The following SMYD4 variants were observed in gnomAD, a reference collection of about 807,000 sequenced individuals.
SMYD4 encodes protein-lysine N-methyltransferase SMYD4.
SMYD4 carries 68 observed loss-of-function variants against 72.8 expected under a neutral mutation model. The observed-to-expected ratio is 0.93, with a 90% CI of 0.77 to 1.14. The LOEUF (loss-of-function observed/expected upper bound fraction) is 1.14, where lower values mean the gene tolerates loss of function less well. Among genes scored for constraint, SMYD4 ranks in the 50% most tolerant of loss-of-function variants. SMYD4 has a pLI of 0.00. For missense variants in SMYD4, 984 were observed against 1,003.7 expected (o/e 0.98, Z 0.27); for synonymous variants, 407 against 388.6 (o/e 1.05, Z -0.56).
chr17:1,827,810 A>C (rs777437649), intron 2 of SMYD4, 51 bp downstream of exon 2: 1 of 1,573,010 alleles, frequency 6.4e-7, no homozygotes, highest in Admixed American at 1.7e-5. Context: ...AAATGACAAA[A>C]TAGAACATTT....
intron 2 of SMYD4, among the ~76,000 whole-genome samples, chr17:1,817,595 A>G (rs1910679117): frequency 6.6e-6 from 1 of 152,070 alleles, no homozygotes; most frequent in African/African-American, 2.4e-5. Flanking sequence ...TGGCCTCTCA[A>G]AAGAGTGGTG....
rs865868615 is a variant in SMYD4, at chr17:1,803,310, A to C, written c.369+1316T>G. Among the ~76,000 whole-genome samples, 76 of 152,346 alleles carry C rather than the reference A, an allele frequency of 5.0e-4. 1 individual carries two copies. Among genetic ancestry groups the C allele is most frequent in the African/African-American group, 1.7e-3 (72 of 41,596 alleles). ...CCTTTTGCACTCACGACACTTAAGA[A>C]GGCTGAGCTATTACTACAGGGATAA... is the stretch of plus-strand genomic sequence containing the variant. On this transcript the variant is annotated intron_variant, in intron 4 of 10. Transcript: ENST00000305513.
chr17:1,799,120 G>A (rs918934832), intron 5 of SMYD4, among the ~76,000 whole-genome samples: 7 of 150,994 alleles, frequency 4.6e-5, no homozygotes, highest in Non-Finnish European at 8.9e-5. Context: ...TTAGCCGGGC[G>A]TGGTGGCGGG....
chr17:1,781,433 T>C lies in SMYD4; in HGVS notation c.2268A>G (p.Ala756=). 4.3e-6 allele frequency: 7 copies of C among 1,613,384 alleles called. No individual in the cohort carries two copies. The highest frequency in any genetic ancestry group is 5.9e-6 in the Non-Finnish European group (7 of 1,179,816). Residue 756 remains alanine (A), a synonymous_variant, in exon 11 of 11, where the codon GCA becomes GCG. Coordinates refer to ENST00000305513, the MANE Select transcript of SMYD4 (RefSeq NM_052928.3). ...GTATTGTGCTCAGGGCTTCGGGTAC[T>C]GCAAACCTGAGCCAAGGGAGGTAAG... is the stretch of plus-strand genomic sequence containing the variant. The part of the protein sequence containing the change: ...KLAQIFFNGF[A]VPEALSTIQK...
At position 1,779,941 on chromosome 17, in the gene SMYD4, G is replaced by A. The variant is rs542225498; in HGVS notation, c.*1345C>T. On this transcript the variant is annotated 3_prime_UTR_variant, in exon 11 of 11. Transcript: ENST00000305513. The stretch of plus-strand genomic sequence containing the variant: ...CAGGGAAACAGACTATCATCACTGA[G>A]CGAGGTGGAATCCAGCCAAAACCCC... 1 of 152,734 alleles carries A rather than the reference G, an allele frequency of 6.5e-6. No homozygotes were observed. Among genetic ancestry groups the A allele is most frequent in the Admixed American group, 6.5e-5 (1 of 15,296 alleles). The allele number at this position is 152,734 out of a possible 1,614,324, so 9.5% of individuals were successfully genotyped here.
intron 4 of SMYD4, among the ~76,000 whole-genome samples, chr17:1,802,653 T>C (rs1909828950): frequency 6.6e-6 from 1 of 152,248 alleles, no homozygotes; most frequent in Admixed American, 6.5e-5. Flanking sequence ...TCTCTTTTAG[T>C]CTGAAGGGCA....
rs761662238 is a variant in SMYD4 at position 1,783,334 on chromosome 17, G to A, written c.2137+26C>T. 7.4e-6 allele frequency: 12 copies of A among 1,611,408 alleles called. No homozygotes were observed. In the South Asian group the frequency reaches 9.9e-5, roughly 13 times the overall value. On this transcript the variant is annotated intron_variant, in intron 9 of 10. Transcript: ENST00000305513. ...GTGCCCACAGCAGACTGTTCCCGACGCAGAACGTGAAGGCTCATGCTGTAC... is the reference window on the plus strand; with the variant it reads ...GTGCCCACAGCAGACTGTTCCCGACACAGAACGTGAAGGCTCATGCTGTAC...
Position 1,800,225 on chromosome 17 carries a change from G to C in SMYD4, c.1169C>G (p.Thr390Arg). 1 of 1,614,132 alleles carries C rather than the reference G, an allele frequency of 6.2e-7. No individual in the cohort carries two copies. ...CLPESNNQVK[T>R]LNYGLGESEK... ...ACTCTCCCCTAGGCCATAATTAAGT[G>C]TCTTGACCTGATTGTTGCTTTCAGG... Residue 390 changes from threonine (T) to arginine (R), a missense_variant, in exon 5 of 11, where the codon ACA (threonine) becomes AGA (arginine). Transcript: ENST00000305513.
At chr17:1,819,774 A>T (rs1910799998) in intron 2 of SMYD4, among the ~76,000 whole-genome samples, 1 of 152,066 alleles carries the variant, frequency 6.6e-6, no homozygotes, top group Non-Finnish European at 1.5e-5. Context: ...TTACACAGAC[A>T]TAATATGTAT....
intron 7 of SMYD4, among the ~76,000 whole-genome samples, 168 bp downstream of exon 7, chr17:1,786,642 G>A (rs1466526272): frequency 6.6e-6 from 1 of 152,174 alleles, no homozygotes; most frequent in Admixed American, 6.5e-5. Context: ...CTTTCCCTGT[G>A]GTTTCTCTGG....
chr17:1,820,765 T>G (rs1910844460), intron 2 of SMYD4, among the ~76,000 whole-genome samples: 1 of 152,152 alleles, frequency 6.6e-6, no homozygotes, highest in South Asian at 2.1e-4. Context: ...CAAAAGGTTT[T>G]CAATAGATGA....
At chr17:1,794,105 A>ATATATAT (rs1291818005) in intron 5 of SMYD4, among the ~76,000 whole-genome samples, 5 of 12,990 alleles carry the variant, frequency 3.8e-4, no homozygotes, top group Non-Finnish European at 5.5e-4. Flanking sequence ...ATATATATAT[A>ATATATAT]TTTTTTTTTT....
intron 2 of SMYD4, among the ~76,000 whole-genome samples, chr17:1,817,771 T>C (rs115335633): frequency 0.02 from 3,022 of 152,222 alleles, 99 homozygotes; most frequent in African/African-American, 0.066. Flanking sequence ...AAGTTTACAA[T>C]TGGCCGGGCA....
intron 5 of SMYD4, among the ~76,000 whole-genome samples, chr17:1,798,846 C>T (rs1250834468): frequency 6.6e-6 from 1 of 151,762 alleles, no homozygotes; most frequent in Non-Finnish European, 1.5e-5. Flanking sequence ...CTACAGTGAG[C>T]TGAGATTGCG....
intron 2 of SMYD4, among the ~76,000 whole-genome samples, chr17:1,817,840 G>A (rs1307996147): frequency 6.6e-6 from 1 of 152,014 alleles, no homozygotes; most frequent in African/African-American, 2.4e-5. Context: ...GAGGTCAGGA[G>A]ATTGAGACCA....
At chr17:1,802,297 C>T (rs1909809213) in intron 4 of SMYD4, among the ~76,000 whole-genome samples, 2 of 151,922 alleles carry the variant, frequency 1.3e-5, no homozygotes, top group African/African-American at 4.8e-5. Context: ...TTGAGACCAA[C>T]CCGGACAACA....
rs1909645632 is a variant in SMYD4 at position 1,800,256 on chromosome 17, A to G, written c.1138T>C (p.Cys380Arg). Reference protein sequence around the residue: ...LCDKISNKDICLPESNNQVKT... With the variant: ...LCDKISNKDIRLPESNNQVKT... The stretch of plus-strand genomic sequence containing the variant: ...ACCTGATTGTTGCTTTCAGGTAAAC[A>G]GATGTCCTTGTTACTAATCTTATCA... Residue 380 changes from cysteine to arginine, a missense_variant, in exon 5 of 11, where the codon TGT becomes CGT. Transcript: ENST00000305513. 6.2e-7 allele frequency: 1 copy of G among 1,614,032 alleles called. No homozygotes were observed. The highest frequency in any genetic ancestry group is 1.3e-5 in the African/African-American group (1 of 74,902).
rs1336205174 is a variant in SMYD4 at position 1,794,112 on chromosome 17, T to A, written c.1537+5745A>T. Among the ~76,000 whole-genome samples, 42 of 54,776 alleles carry A rather than the reference T, an allele frequency of 7.7e-4. 1 individual carries two copies. Among genetic ancestry groups the A allele is most frequent in the African/African-American group, 2.2e-3 (24 of 10,694 alleles). 35.9% of individuals were successfully genotyped at this position (54,776 alleles called of 152,430 possible). The stretch of plus-strand genomic sequence containing the variant: ...ATATATATATATATATATATTTTTT[T>A]TTTTTTTTTTTTTTTGAGATGGAGT... On this transcript the variant is annotated intron_variant, in intron 5 of 10. Transcript: ENST00000305513.
chr17:1,791,339 T>A (rs1909021724), intron 5 of SMYD4, among the ~76,000 whole-genome samples: 1 of 151,966 alleles, frequency 6.6e-6, no homozygotes, highest in Non-Finnish European at 1.5e-5. Context: ...AGATAAGCCC[T>A]AGTGAGAGGT....
Sources: gnomAD v4.1 joint callset for allele counts (sites outside exome capture counted in the v4.1 genomes callset) on GRCh38, gnomAD v4.1.1 for gene constraint, MANE v1.5 for transcripts, NCBI Gene and HGNC (gene_info 2026-07-23, HGNC 2026-07-21) for gene names.